PHEX: variants seen among roughly 807,000 people sequenced by gnomAD.
The protein encoded by PHEX is phosphate-regulating neutral endopeptidase PHEX.
PHEX carries 16 observed loss-of-function variants against 68.0 expected under a neutral mutation model. That is an observed-to-expected ratio of 0.24 (90% CI 0.16 to 0.36). The LOEUF (loss-of-function observed/expected upper bound fraction) is 0.36, where lower values mean the gene tolerates loss of function less well. PHEX is among the 10% of genes least tolerant of loss of function. PHEX has a pLI of 1.00. For missense variants in PHEX, 480 were observed against 575.5 expected, an observed-to-expected ratio of 0.83 and a Z score of 1.70; for synonymous variants, 208 against 205.1, an observed-to-expected ratio of 1.01 and a Z score of -0.12.
intron 11 of PHEX, among the ~76,000 whole-genome samples, chrX:22,133,054 T>C (rs190267951): frequency 9.0e-6 from 1 of 110,977 alleles, no homozygotes; most frequent in East Asian, 2.8e-4. Flanking sequence ...CCAAGCTAAT[T>C]TTTATATTTT....
At chrX:22,169,981 C>T (rs1200502525) in intron 13 of PHEX, 2 of 112,068 alleles carry the variant, frequency 1.8e-5, no homozygotes, top group Non-Finnish European at 3.8e-5. Context: ...GGTAGCTTTG[C>T]GGATCAATAT....
chrX:22,203,957 T>TG (rs1196303108), intron 15 of PHEX, among the ~76,000 whole-genome samples: 8 of 111,489 alleles, frequency 7.2e-5, no homozygotes, highest in Non-Finnish European at 9.4e-5. Context: ...TCGAATCACC[T>TG]GGGGAGCTTT....
chrX:22,037,751 G>A (rs979450332), intron 1 of PHEX, among the ~76,000 whole-genome samples: 23 of 110,731 alleles, frequency 2.1e-4, no homozygotes, highest in Non-Finnish European at 9.5e-5. Flanking sequence ...AGGGCAGGCG[G>A]ACAATGACTG....
At chrX:22,231,756 GTC>G (rs1386677548) in intron 20 of PHEX, among the ~76,000 whole-genome samples, 1 of 111,176 alleles carries the variant, frequency 9.0e-6, no homozygotes, top group African/African-American at 3.3e-5. Flanking sequence ...GGTTTTTTGT[GTC>G]TCTATCTCCT....
intron 14 of PHEX, among the ~76,000 whole-genome samples, chrX:22,187,540 T>C (rs748037725): frequency 8.9e-6 from 1 of 111,826 alleles, no homozygotes; most frequent in Non-Finnish European, 1.9e-5. Context: ...GGATAATCTC[T>C]CTATTTTAAG....
chrX:22,237,887 G>A lies in PHEX; in HGVS notation c.2071-7446G>A, dbSNP rs1179989825. Among the ~76,000 whole-genome samples the A allele has an allele frequency of 2.7e-5, 3 of 112,716 alleles. No homozygotes were observed. In the Admixed American group the frequency reaches 2.8e-4, roughly 11 times the overall value. The stretch of plus-strand genomic sequence containing the variant: ...AGTCATATGGCAAGTCAGGATTAAA[G>A]TAAGTAAGTTATGCTGCAGAAACAA... On this transcript the variant is annotated intron_variant, in intron 20 of 21. Transcript: ENST00000379374.
intron 7 of PHEX, among the ~76,000 whole-genome samples, chrX:22,094,975 A>G (rs1930069100): frequency 8.9e-6 from 1 of 112,220 alleles, no homozygotes; most frequent in Non-Finnish European, 1.9e-5. Context: ...ACTTTTTACC[A>G]AGAAAGTTTT....
rs1022028316 is a variant in PHEX at position 22,044,537 on chromosome X, T to C, written c.188-2513T>C. 2.7e-5 allele frequency among the ~76,000 whole-genome samples: 3 copies of C among 109,500 alleles called. No homozygotes were observed. In the Admixed American group the frequency reaches 3.0e-4, roughly 11 times the overall value. On this transcript the variant is annotated intron_variant, in intron 2 of 21. Coordinates refer to ENST00000379374, the MANE Select transcript of PHEX (RefSeq NM_000444.6). Reference sequence around the variant, plus strand: ...CCATCCTGGCTAATGTGGTGAAACCTGTCTCTACTAAAAATACAAAAAAAA... The same window carrying C: ...CCATCCTGGCTAATGTGGTGAAACCCGTCTCTACTAAAAATACAAAAAAAA...
intron 20 of PHEX, among the ~76,000 whole-genome samples, chrX:22,240,277 T>C (rs1315288664): frequency 8.9e-6 from 1 of 111,989 alleles, no homozygotes; most frequent in Non-Finnish European, 1.9e-5. Context: ...TACCAGCCAC[T>C]GAAAAACACC....
chrX:22,178,510 G>C (rs1265611469), intron 14 of PHEX, 134 bp downstream of exon 14: 2 of 377,821 alleles, frequency 5.3e-6, no homozygotes, highest in Non-Finnish European at 9.4e-6. Context: ...CAAAATCTGT[G>C]TCATGTTTTG....
Position 22,250,569 on chromosome X carries a change from TTG to T in PHEX, c.*2620_*2621del, listed in dbSNP as rs1338790433. Reference sequence around the variant, plus strand: ...TGGGCATTGGAAGGAGTTAGGTTTTTTGTGTTTGTGAAAATCTCCTGGATTAG... The same window carrying T: ...TGGGCATTGGAAGGAGTTAGGTTTTTTGTTTGTGAAAATCTCCTGGATTAG... On this transcript the variant is annotated 3_prime_UTR_variant, in exon 22 of 22. Coordinates refer to ENST00000379374, the MANE Select transcript of PHEX (RefSeq NM_000444.6). 6.2e-5 allele frequency: 7 copies of T among 112,113 alleles called. No individual in the cohort carries two copies. The allele number at this position is 112,113 out of a possible 1,213,427, so 9.2% of individuals were successfully genotyped here. A position where few individuals can be genotyped will look rare whatever the true frequency, so the allele number is the denominator to read the frequency against.
intron 14 of PHEX, among the ~76,000 whole-genome samples, chrX:22,183,320 A>G (rs994901971): frequency 4.5e-5 from 5 of 110,904 alleles, no homozygotes; most frequent in Admixed American, 3.9e-4. Flanking sequence ...TTCCTATAAT[A>G]TGCACCTGAA....
Position 22,048,169 on chromosome X carries a change from G to T in PHEX, c.349+958G>T. On this transcript the variant is annotated intron_variant, in intron 3 of 21. Coordinates refer to ENST00000379374, the MANE Select transcript of PHEX (RefSeq NM_000444.6). ...AATAATTAGATACCTATTGTCAATT[G>T]TAAGGAAAAATGTACTTAAATTTCA... Among the ~76,000 whole-genome samples, 3 of 111,258 alleles carry T rather than the reference G, an allele frequency of 2.7e-5. 1 individual carries two copies. In the Admixed American group the frequency reaches 2.9e-4, roughly 11 times the overall value.
chrX:22,188,354 C>T lies in PHEX; in HGVS notation c.1587-2090C>T, dbSNP rs141447236. On this transcript the variant is annotated intron_variant, in intron 14 of 21. Coordinates refer to ENST00000379374, the MANE Select transcript of PHEX (RefSeq NM_000444.6). ...AGTAGCTGGAACTATATTTGCATGCCACTGCTGGGCCTAGGAGTTTATTTT... is the reference window on the plus strand; with the variant it reads ...AGTAGCTGGAACTATATTTGCATGCTACTGCTGGGCCTAGGAGTTTATTTT... Among the ~76,000 whole-genome samples, 110 of 111,636 alleles carry T rather than the reference C, an allele frequency of 9.9e-4. 1 individual carries two copies. The highest frequency in any genetic ancestry group is 1.6e-3 in the Non-Finnish European group (87 of 53,130).
At chrX:22,238,854 C>A (rs1013666620) in intron 20 of PHEX, among the ~76,000 whole-genome samples, 3 of 111,980 alleles carry the variant, frequency 2.7e-5, no homozygotes, top group Admixed American at 1.9e-4. Flanking sequence ...TGCCTGACAG[C>A]CAGCACAGCG....
chrX:22,220,633 C>G (rs1355460604), intron 17 of PHEX, among the ~76,000 whole-genome samples: 2 of 112,247 alleles, frequency 1.8e-5, no homozygotes, highest in Admixed American at 9.4e-5. Flanking sequence ...CAATTTCACT[C>G]TGTAACCAAT....
intron 15 of PHEX, among the ~76,000 whole-genome samples, chrX:22,201,745 A>G (rs924107058): frequency 1.8e-5 from 2 of 111,645 alleles, no homozygotes; most frequent in Non-Finnish European, 3.8e-5. Context: ...TGCTGTTTTC[A>G]GACATAGTGC....
chrX:22,219,455 G>A (rs1034506600), intron 17 of PHEX, among the ~76,000 whole-genome samples: 1 of 112,276 alleles, frequency 8.9e-6, no homozygotes, highest in Non-Finnish European at 1.9e-5. Context: ...ATTCTCCCTG[G>A]AGGAGCAAGC....
At chrX:22,191,294 C>T (rs905971036) in intron 15 of PHEX, among the ~76,000 whole-genome samples, 1 of 112,130 alleles carries the variant, frequency 8.9e-6, no homozygotes, top group Non-Finnish European at 1.9e-5. Flanking sequence ...TTCCAAAGTG[C>T]TGGGATTACA....
Sources: allele counts gnomAD v4.1 joint callset (sites outside exome capture counted in the v4.1 genomes callset), GRCh38; gene constraint gnomAD v4.1.1; transcripts MANE v1.5; gene names NCBI Gene and HGNC (gene_info 2026-07-23, HGNC 2026-07-21).